The following PRDM6 variants were observed in gnomAD, a reference collection of about 807,000 sequenced individuals.
PRDM6 encodes PR/SET domain 6, also known as putative histone-lysine N-methyltransferase PRDM6.
In PRDM6, 25 loss-of-function variants were observed where a neutral mutation model predicts 60.8. That is an observed-to-expected ratio of 0.41 (90% CI 0.30 to 0.57). The LOEUF (loss-of-function observed/expected upper bound fraction) is 0.57. Ranked by LOEUF, PRDM6 falls within the 20% of genes least tolerant of loss-of-function variation. The probability of loss-of-function intolerance (pLI) is 0.27; values close to 1 mark genes in which losing one functional copy is unlikely to be tolerated. For missense variants in PRDM6, 839 were observed against 821.3 expected (o/e 1.02, Z -0.26); for synonymous variants, 407 against 357.4 (o/e 1.14, Z -1.57).
At chr5:123,136,940 C>G (rs1242913042) in intron 3 of PRDM6, among the ~76,000 whole-genome samples, 1 of 152,194 alleles carries the variant, frequency 6.6e-6, no homozygotes, top group East Asian at 1.9e-4. Flanking sequence ...CACTCTGCAA[C>G]CAAGCTCTTG....
chr5:123,161,456 G>A (rs192024923), intron 5 of PRDM6, among the ~76,000 whole-genome samples: 2 of 152,222 alleles, frequency 1.3e-5, no homozygotes, highest in East Asian at 1.9e-4. Flanking sequence ...GTAAAGAGGT[G>A]CCAGGAGTTG....
At chr5:123,178,259 A>G (rs1280313657) in intron 6 of PRDM6, among the ~76,000 whole-genome samples, 1 of 152,236 alleles carries the variant, frequency 6.6e-6, no homozygotes, top group Admixed American at 6.5e-5. Context: ...TGTGATAGCC[A>G]TTAAAAATAG....
At chr5:123,109,086 C>T (rs1390370005) in intron 3 of PRDM6, among the ~76,000 whole-genome samples, 1 of 151,980 alleles carries the variant, frequency 6.6e-6, no homozygotes, top group Admixed American at 6.5e-5. Flanking sequence ...TTTTATAGCA[C>T]GTGTCTTTAA....
chr5:123,161,255 A>G (rs1304709708), intron 5 of PRDM6, among the ~76,000 whole-genome samples: 1 of 152,224 alleles, frequency 6.6e-6, no homozygotes, highest in Non-Finnish European at 1.5e-5. Flanking sequence ...TCAGATGTGT[A>G]AGGAACACCT....
chr5:123,161,198 T>C (rs1245510189), intron 5 of PRDM6, among the ~76,000 whole-genome samples: 1 of 152,190 alleles, frequency 6.6e-6, no homozygotes, highest in Admixed American at 6.5e-5. Context: ...TTGAGGGATG[T>C]CTAGAGTAAA....
At chr5:123,143,323 C>G (rs1280199415) in intron 3 of PRDM6, among the ~76,000 whole-genome samples, 1 of 152,076 alleles carries the variant, frequency 6.6e-6, no homozygotes, top group Non-Finnish European at 1.5e-5. Flanking sequence ...TCTATAGACC[C>G]GACGTAAGAG....
At chr5:123,089,914 G>A in intron 1 of PRDM6, 86 bp from the exon 2 acceptor site, 3 of 1,004,026 alleles carry the variant, frequency 3.0e-6, no homozygotes, top group Non-Finnish European at 4.3e-6. Context: ...ACCGGCTCGG[G>A]CACTTTCTCC....
chr5:123,140,547 A>G (rs1765073236), intron 3 of PRDM6, among the ~76,000 whole-genome samples: 1 of 152,156 alleles, frequency 6.6e-6, no homozygotes, highest in South Asian at 2.1e-4. Flanking sequence ...GGAAAAAAAG[A>G]TATTTGTTGG....
chr5:123,106,531 A>G (rs1240219139), intron 3 of PRDM6, among the ~76,000 whole-genome samples: 1 of 152,232 alleles, frequency 6.6e-6, no homozygotes, highest in Non-Finnish European at 1.5e-5. Flanking sequence ...CAGTTCAATG[A>G]CAGGTAATTT....
Position 123,189,696 on chromosome 5 carries a change from A to T in PRDM6, c.*2495A>T, listed in dbSNP as rs1177911260. On this transcript the variant is annotated 3_prime_UTR_variant, in exon 8 of 8. Transcript: ENST00000407847. ...TCAGAAAATATTTTCTGCCTAACAA[A>T]TAGAAAATTGGATACTCTAATTTTC... 6.6e-6 allele frequency: 1 copy of T among 152,240 alleles called. No homozygotes were observed. Among genetic ancestry groups the T allele is most frequent in the African/African-American group, 2.4e-5 (1 of 41,472 alleles). The allele number at this position is 152,240 out of a possible 1,614,324, so 9.4% of individuals were successfully genotyped here.
intron 6 of PRDM6, among the ~76,000 whole-genome samples, chr5:123,174,466 A>G (rs372660758): frequency 6.6e-6 from 1 of 152,240 alleles, no homozygotes; most frequent in East Asian, 1.9e-4. Context: ...GGGACACAGG[A>G]GAGAAAGTCA....
intron 6 of PRDM6, 57 bp from the exon 7 acceptor site, chr5:123,180,090 G>A (rs900714761): frequency 1.4e-5 from 20 of 1,455,330 alleles, no homozygotes; most frequent in African/African-American, 2.8e-5. Context: ...ATATGATTCT[G>A]ACTTCCACTG....
At chr5:123,176,260 T>G (rs1275165866) in intron 6 of PRDM6, among the ~76,000 whole-genome samples, 14 of 133,880 alleles carry the variant, frequency 1.0e-4, no homozygotes, top group African/African-American at 2.3e-4. Flanking sequence ...CTACTAAAGA[T>G]CTCAAATGGT....
At chr5:123,147,044 A>G (rs1327489775) in intron 3 of PRDM6, among the ~76,000 whole-genome samples, 1 of 152,154 alleles carries the variant, frequency 6.6e-6, no homozygotes, top group Admixed American at 6.5e-5. Context: ...TCTCTGCTCA[A>G]ATGAACGCGT....
chr5:123,188,372 T>A lies in PRDM6; in HGVS notation c.*1171T>A, dbSNP rs1766335553. The A allele has an allele frequency of 6.6e-6, 1 of 152,228 alleles. No individual in the cohort carries two copies. Among genetic ancestry groups the A allele is most frequent in the African/African-American group, 2.4e-5 (1 of 41,452 alleles). The allele number at this position is 152,228 out of a possible 1,614,324, so 9.4% of individuals were successfully genotyped here. On this transcript the variant is annotated 3_prime_UTR_variant, in exon 8 of 8. Transcript: ENST00000407847. The stretch of plus-strand genomic sequence containing the variant: ...TTTGTCTTTTCTTGAGATTGATTAA[T>A]TGAAAGAGAAGGAATTCTCCACACA...
chr5:123,165,777 AC>A (rs1765738578), intron 5 of PRDM6, among the ~76,000 whole-genome samples: 1 of 152,280 alleles, frequency 6.6e-6, no homozygotes, highest in Admixed American at 6.5e-5. Flanking sequence ...TATATGTAGC[AC>A]ACTATATACA....
chr5:123,142,905 A>AAAAAAAAAAAAAAAAAAAAAAAAAC (rs1765144666), intron 3 of PRDM6, among the ~76,000 whole-genome samples: 1 of 144,172 alleles, frequency 6.9e-6, no homozygotes, highest in Non-Finnish European at 1.5e-5. Flanking sequence ...AAAAAAAACA[A>AAAAAAAAAAAAAAAAAAAAAAAAAC]ACAAACCAAA....
intron 4 of PRDM6, among the ~76,000 whole-genome samples, chr5:123,156,584 G>C (rs1765504543): frequency 6.6e-6 from 1 of 152,176 alleles, no homozygotes; most frequent in South Asian, 2.1e-4. Flanking sequence ...TTCAGGATTT[G>C]TTTCAGTTGA....
rs752006261 is a variant in PRDM6, at chr5:123,190,048, G to A, written c.*2847G>A. On this transcript the variant is annotated 3_prime_UTR_variant, in exon 8 of 8. Transcript: ENST00000407847. ...TTTCTTATTAGTAACTTCCTAATTA[G>A]TAGTGCTATAAAGAGAGTAAATGCT... 2 of 152,150 alleles carry A rather than the reference G, an allele frequency of 1.3e-5. No homozygotes were observed. The highest frequency in any genetic ancestry group is 2.9e-5 in the Non-Finnish European group (2 of 68,032). 9.4% of individuals were successfully genotyped at this position (152,150 alleles called of 1,614,324 possible).
Sources: allele counts gnomAD v4.1 joint callset (sites outside exome capture counted in the v4.1 genomes callset), GRCh38; gene constraint gnomAD v4.1.1; transcripts MANE v1.5; gene names NCBI Gene and HGNC (gene_info 2026-07-23, HGNC 2026-07-21).